The following KATNIP variants were observed in gnomAD, a reference collection of about 807,000 sequenced individuals.
The protein encoded by KATNIP is katanin interacting protein.
A neutral mutation model predicts 174.0 loss-of-function variants in KATNIP; 126 were observed. That is an observed-to-expected ratio of 0.72 (90% CI 0.63 to 0.84). The LOEUF (loss-of-function observed/expected upper bound fraction) is 0.84. Among genes scored for constraint, KATNIP ranks in the 40% least tolerant of loss-of-function variants. The pLI, the probability that KATNIP is intolerant of heterozygous loss-of-function variation, is 0.00. For synonymous variants in KATNIP, 810 were observed against 835.7 expected (o/e 0.97, Z 0.53); for missense variants, 1,958 against 2,109.7 (o/e 0.93, Z 1.41).
chr16:27,743,547 G>C (rs1322172686), intron 15 of KATNIP, among the ~76,000 whole-genome samples: 1 of 152,140 alleles, frequency 6.6e-6, no homozygotes, highest in Non-Finnish European at 1.5e-5. Flanking sequence ...AGCTCTCTGA[G>C]GGCAGGCGCC....
At chr16:27,713,556 C>T (rs1017064862) in intron 13 of KATNIP, among the ~76,000 whole-genome samples, 1 of 150,704 alleles carries the variant, frequency 6.6e-6, no homozygotes, top group African/African-American at 2.4e-5. Context: ...GCCTGGGCAA[C>T]ATAGTGAGAC....
At chr16:27,550,292 A>G in intron 1 of KATNIP, 115 bp downstream of exon 1, 1 of 1,222,728 alleles carries the variant, frequency 8.2e-7, no homozygotes, top group Non-Finnish European at 1.1e-6. Context: ...TCCTGACCCA[A>G]GGGGGTCTCC....
rs760206465 is a variant in KATNIP at position 27,754,185 on chromosome 16, G to C, written c.3565G>C (p.Glu1189Gln). Reference protein sequence around the residue: ...LGADERIPELELPSSSPVPQV... With the variant: ...LGADERIPELQLPSSSPVPQV... Reference sequence around the variant, plus strand: ...AACCCATGTGCAGATCCCGGAGCTAGAGCTCCCATCCAGTTCCCCTGTCCC... The same window carrying C: ...AACCCATGTGCAGATCCCGGAGCTACAGCTCCCATCCAGTTCCCCTGTCCC... The change falls in exon 18 of 28, where the codon GAG becomes CAG. Residue 1189 changes from glutamate (E) to glutamine (Q), a missense_variant. Physicochemically the swap from Glu to Gln is conservative, Grantham distance 29. Around this residue, in one of 3 missense-constraint regions of KATNIP, gnomAD observed 1,557 missense variants for 1,617.8 expected, o/e 0.96. Coordinates refer to ENST00000261588, the MANE Select transcript of KATNIP (RefSeq NM_015202.5). 1 of 1,613,992 alleles carries C rather than the reference G, an allele frequency of 6.2e-7. No individual in the cohort carries two copies. Among genetic ancestry groups the C allele is most frequent in the Admixed American group, 1.7e-5 (1 of 60,018 alleles).
chr16:27,751,117 C>T (rs1374836815), intron 16 of KATNIP, among the ~76,000 whole-genome samples: 1 of 152,062 alleles, frequency 6.6e-6, no homozygotes, highest in South Asian at 2.1e-4. Context: ...TGTCTTGGTC[C>T]GGCCCCTAGA....
chr16:27,599,422 A>G (rs2075442597), intron 2 of KATNIP, among the ~76,000 whole-genome samples: 1 of 152,168 alleles, frequency 6.6e-6, no homozygotes, highest in Non-Finnish European at 1.5e-5. Flanking sequence ...TGAGGTCAGG[A>G]GAGTGGTGAG....
At chr16:27,768,772 C>A (rs2082203711) in intron 20 of KATNIP, among the ~76,000 whole-genome samples, 1 of 152,162 alleles carries the variant, frequency 6.6e-6, no homozygotes, top group African/African-American at 2.4e-5. Context: ...AGAGGGGCTC[C>A]CAAAATGCTG....
chr16:27,631,619 G>A (rs1268766109), intron 5 of KATNIP, among the ~76,000 whole-genome samples: 1 of 152,046 alleles, frequency 6.6e-6, no homozygotes, highest in Non-Finnish European at 1.5e-5. Context: ...TTCTGCATGT[G>A]GAACTGACCT....
chr16:27,551,285 A>G (rs757372247), intron 1 of KATNIP, among the ~76,000 whole-genome samples: 1 of 152,212 alleles, frequency 6.6e-6, no homozygotes, highest in African/African-American at 2.4e-5. Context: ...GGGAATCCAC[A>G]TTCTTTTTAT....
intron 13 of KATNIP, among the ~76,000 whole-genome samples, chr16:27,712,976 G>A (rs1356112886): frequency 6.6e-6 from 1 of 151,892 alleles, no homozygotes. Context: ...TGGTTAATTT[G>A]TTTTTATTTT....
chr16:27,566,374 A>G (rs960810087), intron 1 of KATNIP, among the ~76,000 whole-genome samples: 3 of 152,122 alleles, frequency 2.0e-5, no homozygotes, highest in Non-Finnish European at 4.4e-5. Flanking sequence ...CCCAGTCTCT[A>G]CTAATTCAAA....
At chr16:27,564,235 C>T (rs1214196287) in intron 1 of KATNIP, among the ~76,000 whole-genome samples, 1 of 152,182 alleles carries the variant, frequency 6.6e-6, no homozygotes, top group African/African-American at 2.4e-5. Flanking sequence ...TAAGTACCTA[C>T]TGTATGCAGG....
chr16:27,749,882 A>C lies in KATNIP; in HGVS notation c.2922A>C (p.Gly974=), dbSNP rs1192472762. 6.2e-7 allele frequency: 1 copy of C among 1,614,196 alleles called. No homozygotes were observed. Among genetic ancestry groups the C allele is most frequent in the Non-Finnish European group, 8.5e-7 (1 of 1,180,044 alleles). Residue 974 remains glycine, a synonymous_variant, in exon 16 of 28, where the codon GGA becomes GGC. Transcript: ENST00000261588. ...TTAAAATCCCCGTCTTGCCTTATGG[A>C]CAGCGCTTGGTCATTGACATCAAGT... is the stretch of plus-strand genomic sequence containing the variant. The part of the protein sequence containing the change: ...GDFKIPVLPY[G]QRLVIDIKST...
At chr16:27,775,172 T>TGCCACATTGCTTCCCAAAGTGCCTCTG in intron 24 of KATNIP, 88 bp downstream of exon 24, 1 of 1,480,824 alleles carries the variant, frequency 6.8e-7, no homozygotes, top group Admixed American at 2.2e-5. Context: ...CACGTCTTTC[T>TGCCACATTGCTTCCCAAAGTGCCTCTG]TCCAGGTCAA....
Position 27,701,619 on chromosome 16 carries a change from C to G in KATNIP, c.1210C>G (p.Gln404Glu). 2.5e-6 allele frequency: 4 copies of G among 1,604,416 alleles called. No homozygotes were observed. Among genetic ancestry groups the G allele is most frequent in the Non-Finnish European group, 3.4e-6 (4 of 1,176,000 alleles). Reference sequence around the variant, plus strand: ...TCCCATCACCACGGCGACTACTACTCAGGAGCCGGCCGGGGCAGCAGGAGG... The same window carrying G: ...TCCCATCACCACGGCGACTACTACTGAGGAGCCGGCCGGGGCAGCAGGAGG... ...LLPITTATTT[Q>E]EPAGAAGGAR... Residue 404 changes from glutamine to glutamate, a missense_variant, in exon 11 of 28, where the codon CAG becomes GAG. Gln to Glu is a conservative substitution (Grantham distance 29). This residue lies in a region of KATNIP where 1,557 missense variants were observed against 1,617.8 expected (regional missense o/e 0.96). Coordinates refer to ENST00000261588, the MANE Select transcript of KATNIP (RefSeq NM_015202.5).
intron 15 of KATNIP, among the ~76,000 whole-genome samples, chr16:27,748,318 C>A (rs780911036): frequency 6.6e-6 from 1 of 152,192 alleles, no homozygotes; most frequent in African/African-American, 2.4e-5. Flanking sequence ...CGGTGGCTTA[C>A]GCCTGTAATC....
chr16:27,583,670 G>A (rs1271766767), intron 2 of KATNIP, among the ~76,000 whole-genome samples: 1 of 152,204 alleles, frequency 6.6e-6, no homozygotes, highest in East Asian at 1.9e-4. Flanking sequence ...AGTCTGACAA[G>A]AGCCAATGCT....
intron 6 of KATNIP, among the ~76,000 whole-genome samples, chr16:27,672,713 G>A (rs565118501): frequency 2.0e-5 from 3 of 152,256 alleles, no homozygotes; most frequent in South Asian, 4.2e-4. Context: ...CCACTTAATC[G>A]CTGTGAGAAG....
intron 14 of KATNIP, among the ~76,000 whole-genome samples, chr16:27,731,909 C>T (rs1363884036): frequency 2.0e-5 from 3 of 152,182 alleles, no homozygotes; most frequent in Non-Finnish European, 4.4e-5. Context: ...GCATGAGTTA[C>T]TGCGCCTGGC....
intron 2 of KATNIP, among the ~76,000 whole-genome samples, chr16:27,599,483 G>A (rs1442123336): frequency 1.3e-5 from 2 of 152,150 alleles, no homozygotes; most frequent in African/African-American, 4.8e-5. Context: ...TCTCCCTCCA[G>A]CCTTTGCTCC....
Sources: allele counts gnomAD v4.1 joint callset (sites outside exome capture counted in the v4.1 genomes callset), GRCh38; gene constraint gnomAD v4.1.1; regional missense constraint gnomAD v4.1.1; transcripts MANE v1.5; gene names NCBI Gene and HGNC (gene_info 2026-07-23, HGNC 2026-07-21).